Variants in ABLIM2 observed in about 807,000 individuals in gnomAD.
ABLIM2 encodes actin binding LIM protein family member 2.
In ABLIM2, 53 loss-of-function variants were observed where a neutral mutation model predicts 97.7. The ratio of observed to expected loss-of-function variants is 0.54; its 90% CI spans 0.44 to 0.68. The LOEUF is 0.68. Among genes scored for constraint, ABLIM2 ranks in the 30% least tolerant of loss-of-function variants. The pLI, the probability that ABLIM2 is intolerant of heterozygous loss-of-function variation, is 0.00. For synonymous variants in ABLIM2, 361 were observed against 345.8 expected, an observed-to-expected ratio of 1.04 and a Z score of -0.49; for missense variants, 835 against 867.2, an observed-to-expected ratio of 0.96 and a Z score of 0.47.
In ABLIM2 at chr4:8,015,170, C is replaced by T. The variant is rs1301883131; in HGVS notation, c.1423+4448G>A. On this transcript the variant is annotated intron_variant, in intron 14 of 20. Coordinates refer to ENST00000447017, the MANE Select transcript of ABLIM2 (RefSeq NM_001130083.2). The surrounding 1 kb of genome is among the most constrained non-coding windows in gnomAD (Gnocchi z 4.6). ...GCTTGACCTCAGGTGATCCATTCACCTCAGCCTCCCAAAGTGCTGGGATTA... is the reference window on the plus strand; with the variant it reads ...GCTTGACCTCAGGTGATCCATTCACTTCAGCCTCCCAAAGTGCTGGGATTA... 1.3e-5 allele frequency among the ~76,000 whole-genome samples: 2 copies of T among 152,154 alleles called. No individual in the cohort carries two copies. The highest frequency in any genetic ancestry group is 6.5e-5 in the Admixed American group (1 of 15,276).
At chr4:8,102,863 C>A (rs1029087354) in intron 2 of ABLIM2, among the ~76,000 whole-genome samples, 5 of 152,218 alleles carry the variant, frequency 3.3e-5, no homozygotes, top group African/African-American at 4.8e-5. Flanking sequence ...TTCCTCTTTG[C>A]CGGTGGGGGT....
intron 1 of ABLIM2, among the ~76,000 whole-genome samples, chr4:8,111,366 G>C (rs1485493495): frequency 2.0e-4 from 30 of 152,358 alleles, no homozygotes; most frequent in Non-Finnish European, 4.4e-5. Context: ...TTTTAGCAGT[G>C]ACGCTGCTCT....
At chr4:8,143,011 GCC>G (rs1429855766) in intron 1 of ABLIM2, among the ~76,000 whole-genome samples, 1 of 152,104 alleles carries the variant, frequency 6.6e-6, no homozygotes, top group Admixed American at 6.5e-5. Context: ...CCCTCTGCAG[GCC>G]CCCTCTTCCC....
chr4:8,037,387 T>C (rs1785239255), intron 9 of ABLIM2, among the ~76,000 whole-genome samples: 3 of 151,766 alleles, frequency 2.0e-5, no homozygotes, highest in East Asian at 1.9e-4. Flanking sequence ...CATGTGCATG[T>C]ATACCTCCAC....
In ABLIM2 at chr4:7,992,325, G is replaced by A. The variant is rs143314286; in HGVS notation, c.1680+541C>T. Among the ~76,000 whole-genome samples, 580 of 152,310 alleles carry A rather than the reference G, an allele frequency of 3.8e-3. 1 individual carries two copies. The highest frequency in any genetic ancestry group is 5.0e-3 in the Non-Finnish European group (338 of 68,028). On this transcript the variant is annotated intron_variant, in intron 17 of 20. Transcript: ENST00000447017. This position sits in a 1 kb window ranked among gnomAD's most constrained non-coding sequence, Gnocchi z 5.7. ...GGGTAGGAGGTGGCACCAGTCTTCA[G>A]CTAGGGGCAGCCAAAGAGCCTGACT...
At position 8,122,892 on chromosome 4, in the gene ABLIM2, G is replaced by A. The variant is rs1188823324; in HGVS notation, c.11-16255C>T. ...CCACCATGCCCCACCGCGTGGATGA[G>A]GGGATGGGAGAGGGAGAGGGGTGAG... On this transcript the variant is annotated intron_variant, in intron 1 of 20. Coordinates refer to ENST00000447017, the MANE Select transcript of ABLIM2 (RefSeq NM_001130083.2). This position sits in a 1 kb window ranked among gnomAD's most constrained non-coding sequence, Gnocchi z 4.1. Among the ~76,000 whole-genome samples the A allele has an allele frequency of 6.6e-6, 1 of 152,118 alleles. No homozygotes were observed. Among genetic ancestry groups the A allele is most frequent in the African/African-American group, 2.4e-5 (1 of 41,412 alleles).
chr4:8,115,773 G>A (rs1842524759), intron 1 of ABLIM2, among the ~76,000 whole-genome samples: 1 of 152,188 alleles, frequency 6.6e-6, no homozygotes, highest in Non-Finnish European at 1.5e-5. Flanking sequence ...GAACCTGGGT[G>A]GACCTCTGCA....
Position 8,020,202 on chromosome 4 carries a change from CTGG to C in ABLIM2, c.1366_1368del (p.Pro456del). The C allele has an allele frequency of 1.2e-6, 2 of 1,612,888 alleles. No individual in the cohort carries two copies. The highest frequency in any genetic ancestry group is 1.7e-6 in the Non-Finnish European group (2 of 1,179,374). On this transcript the variant is annotated inframe_deletion and splice_region_variant, in exon 13 of 21. Transcript: ENST00000447017. ...CCAGCCAGCGTGTCCCGGAGCCTAC[CTGG>C]GACGTGGAAGTGGCGAGGTGCCTGC...
rs191728917 is a variant in ABLIM2 at position 8,125,750 on chromosome 4, G to A, written c.11-19113C>T. On this transcript the variant is annotated intron_variant, in intron 1 of 20. Coordinates refer to ENST00000447017, the MANE Select transcript of ABLIM2 (RefSeq NM_001130083.2). This position sits in a 1 kb window ranked among gnomAD's most constrained non-coding sequence, Gnocchi z 6.2. The stretch of plus-strand genomic sequence containing the variant: ...AGAGGCCCGCCCAGCCTCTGCCATG[G>A]AAACTCCATCTGGGACACGGACATC... Among the ~76,000 whole-genome samples the A allele has an allele frequency of 3.6e-3, 545 of 152,310 alleles. 4 individuals are homozygous for A. The highest frequency in any genetic ancestry group is 5.2e-3 in the Non-Finnish European group (357 of 68,028).
intron 20 of ABLIM2, among the ~76,000 whole-genome samples, chr4:7,967,763 GAC>G (rs1308155019): frequency 2.1e-3 from 327 of 152,350 alleles, no homozygotes; most frequent in African/African-American, 7.2e-3. Context: ...GAGTGAGTTA[GAC>G]CCTGGAGCCT....
At chr4:8,045,517 C>T (rs1183968548) in intron 8 of ABLIM2, among the ~76,000 whole-genome samples, 4 of 152,234 alleles carry the variant, frequency 2.6e-5, no homozygotes, top group South Asian at 4.1e-4. Flanking sequence ...GGTGTGGTGG[C>T]GGGCACCTGT....
intron 10 of ABLIM2, among the ~76,000 whole-genome samples, chr4:8,034,915 G>A (rs192710639): frequency 1.5e-3 from 178 of 117,426 alleles, no homozygotes; most frequent in South Asian, 6.1e-3. Flanking sequence ...CGGGTGGGTG[G>A]TGGGTGGTAG....
Position 8,079,761 on chromosome 4 carries a change from C to T in ABLIM2, c.581+915G>A, listed in dbSNP as rs1032374241. ...GAATGTGCATGCATATGCGTGCGTG[C>T]GTGTGTGTGTGTGTGCGCGCGCCTC... is the stretch of plus-strand genomic sequence containing the variant. On this transcript the variant is annotated intron_variant, in intron 5 of 20. Coordinates refer to ENST00000447017, the MANE Select transcript of ABLIM2 (RefSeq NM_001130083.2). Among the ~76,000 whole-genome samples, 11 of 151,576 alleles carry T rather than the reference C, an allele frequency of 7.3e-5. No individual in the cohort carries two copies. In the South Asian group the frequency reaches 2.3e-3, roughly 32 times the overall value.
At chr4:8,116,840 CTG>C (rs1197176177) in intron 1 of ABLIM2, among the ~76,000 whole-genome samples, 2 of 152,158 alleles carry the variant, frequency 1.3e-5, no homozygotes, top group Non-Finnish European at 2.9e-5. Flanking sequence ...AGGTCCCAAA[CTG>C]TTCCTGATCT....
intron 6 of ABLIM2, among the ~76,000 whole-genome samples, chr4:8,073,711 G>T (rs776232970): frequency 6.6e-6 from 1 of 152,166 alleles, no homozygotes; most frequent in Non-Finnish European, 1.5e-5. Flanking sequence ...TGATCCACCC[G>T]CACAGAAGGC....
rs1791059928 is a variant in ABLIM2, at chr4:8,044,672, T to TCG, written c.900+491_900+492insCG. On this transcript the variant is annotated intron_variant, in intron 9 of 20. Coordinates refer to ENST00000447017, the MANE Select transcript of ABLIM2 (RefSeq NM_001130083.2). This position sits in a 1 kb window ranked among gnomAD's most constrained non-coding sequence, Gnocchi z 4.4. ...CACACACACACACACACACAGAGTCTCTCTCTCTCTCTCTCTCTCGAACGA... is the reference window on the plus strand; with the variant it reads ...CACACACACACACACACACAGAGTCTCGCTCTCTCTCTCTCTCTCTCGAACGA... 7.2e-6 allele frequency among the ~76,000 whole-genome samples: 1 copy of TCG among 138,366 alleles called. No homozygotes were observed. The highest frequency in any genetic ancestry group is 1.5e-5 in the Non-Finnish European group (1 of 66,230). The allele number at this position is 138,366 out of a possible 152,430, so 90.8% of individuals were successfully genotyped here. A position where few individuals can be genotyped will look rare whatever the true frequency, so the allele number is the denominator to read the frequency against.
chr4:8,096,088 G>T (rs1831421371), intron 3 of ABLIM2, among the ~76,000 whole-genome samples: 1 of 152,116 alleles, frequency 6.6e-6, no homozygotes, highest in Non-Finnish European at 1.5e-5. Context: ...CTCCCCTTGG[G>T]TCTCTCCCCC....
At chr4:7,978,461 G>A (rs1277467787) in intron 20 of ABLIM2, among the ~76,000 whole-genome samples, 1 of 152,222 alleles carries the variant, frequency 6.6e-6, no homozygotes, top group Non-Finnish European at 1.5e-5. Context: ...AAAAAAAAGT[G>A]AAATAGAAGT....
intron 1 of ABLIM2, among the ~76,000 whole-genome samples, chr4:8,141,347 T>C (rs981911909): frequency 2.6e-5 from 4 of 152,178 alleles, no homozygotes; most frequent in African/African-American, 4.8e-5. Flanking sequence ...TGCAGTTAAT[T>C]ACCAGCCCCT....
Sources: gnomAD v4.1 joint callset for allele counts (sites outside exome capture counted in the v4.1 genomes callset) on GRCh38, gnomAD v4.1.1 for gene constraint, Gnocchi (gnomAD v3.1) non-coding constraint, MANE v1.5 for transcripts, NCBI Gene and HGNC (gene_info 2026-07-23, HGNC 2026-07-21) for gene names.